Variants in TARBP1 observed in about 807,000 individuals in gnomAD.
The protein encoded by TARBP1 is tRNA guanosine 2 -O-methyltransferase TARBP1.
Under a neutral mutation model 178.6 loss-of-function variants are expected in TARBP1, and 144 were observed. That is an observed-to-expected ratio of 0.81 (90% confidence interval 0.70 to 0.93). The LOEUF is 0.93. Ranked by LOEUF, TARBP1 falls within the 40% of genes least tolerant of loss-of-function variation. The pLI is 0.00. For synonymous variants in TARBP1, 787 were observed against 781.0 expected, an observed-to-expected ratio of 1.01 and a Z score of -0.13; for missense variants, 2,067 against 2,011.7, an observed-to-expected ratio of 1.03 and a Z score of -0.53.
In TARBP1 at chr1:234,429,682, A is replaced by AATT. The variant is rs750078411; in HGVS notation, c.2610-6_2610-5insAAT. On this transcript the variant is annotated splice_region_variant and splice_polypyrimidine_tract_variant and intron_variant, in intron 15 of 29. Coordinates refer to ENST00000040877, the MANE Select transcript of TARBP1 (RefSeq NM_005646.4). ...GATGACGATTCTTCCAAAACACTGA[A>AATT]ATAAAAAATAAAGTTACTAGGCCAT... 6.3e-7 allele frequency: 1 copy of AATT among 1,586,544 alleles called. No individual in the cohort carries two copies. The highest frequency in any genetic ancestry group is 1.2e-5 in the South Asian group (1 of 86,300).
chr1:234,478,338 C>T lies in TARBP1; in HGVS notation c.766G>A (p.Gly256Ser). ...GDRARGAREAGPDARRCWRFW... is the reference protein window; with the variant it reads ...GDRARGAREASPDARRCWRFW... ...CGCCAGCAGCGCCGGGCGTCCGGGC[C>T]CGCCTCGCGCGCGCCGCGGGCGCGG... is the stretch of plus-strand genomic sequence containing the variant. Residue 256 changes from glycine to serine, a missense_variant, in exon 1 of 30, where the codon GGC becomes AGC. Physicochemically the swap from Gly to Ser is moderately conservative, Grantham distance 56 (BLOSUM62 0). Coordinates refer to ENST00000040877, the MANE Select transcript of TARBP1 (RefSeq NM_005646.4). 7.8e-7 allele frequency: 1 copy of T among 1,285,514 alleles called. No homozygotes were observed. The highest frequency in any genetic ancestry group is 4.2e-5 in the Admixed American group (1 of 24,096). 79.6% of individuals were successfully genotyped at this position (1,285,514 alleles called of 1,614,324 possible).
At chr1:234,463,812 A>T (rs570711196) in intron 6 of TARBP1, 25 bp downstream of exon 6, 109 of 1,392,794 alleles carry the variant, frequency 7.8e-5, no homozygotes, top group Middle Eastern at 5.6e-4. Context: ...AAGCATTTTT[A>T]AAAAAACCCT....
chr1:234,457,238 T>C (rs1385033021), intron 9 of TARBP1, among the ~76,000 whole-genome samples: 3 of 152,066 alleles, frequency 2.0e-5, no homozygotes, highest in Non-Finnish European at 2.9e-5. Flanking sequence ...TCATGATGAA[T>C]TGGATGCAGA....
At chr1:234,402,036 TC>T (rs1265961154) in intron 24 of TARBP1, among the ~76,000 whole-genome samples, 1 of 152,160 alleles carries the variant, frequency 6.6e-6, no homozygotes, top group Non-Finnish European at 1.5e-5. Flanking sequence ...CTTCCGCATC[TC>T]CCCTCTTCTC....
chr1:234,391,708 G>T lies in TARBP1; in HGVS notation c.4735C>A (p.Gln1579Lys), dbSNP rs754837157. Residue 1579 changes from glutamine to lysine, a missense_variant, in exon 30 of 30, where the codon CAG (glutamine) becomes AAG (lysine). Coordinates refer to ENST00000040877, the MANE Select transcript of TARBP1 (RefSeq NM_005646.4). ...GGAATTTCCACACAAACGTCCAACTGTTGGATCAGATTTGCTGGAATTCCC... is the reference window on the plus strand; with the variant it reads ...GGAATTTCCACACAAACGTCCAACTTTTGGATCAGATTTGCTGGAATTCCC... ...REGIPANLIQ[Q>K]LDVCVEIPQQ... 3.1e-6 allele frequency: 5 copies of T among 1,613,588 alleles called. No individual in the cohort carries two copies. In the South Asian group the frequency reaches 5.5e-5, roughly 18 times the overall value.
chr1:234,444,205 C>CTG (rs1665906840), intron 12 of TARBP1, among the ~76,000 whole-genome samples: 1 of 147,406 alleles, frequency 6.8e-6, no homozygotes, highest in South Asian at 2.2e-4. Context: ...AGATTACTCC[C>CTG]ACAAAAAAAG....
chr1:234,472,867 C>A, intron 1 of TARBP1, 56 bp from the exon 2 acceptor site: 1 of 1,289,368 alleles, frequency 7.8e-7, no homozygotes, highest in South Asian at 1.3e-5. Context: ...TCATAAGTTT[C>A]TCAATGACAG....
chr1:234,408,563 C>T (rs1572232267), intron 23 of TARBP1, among the ~76,000 whole-genome samples: 1 of 152,032 alleles, frequency 6.6e-6, no homozygotes, highest in Non-Finnish European at 1.5e-5. Flanking sequence ...GCTCCTATGT[C>T]GGTGCTCGAG....
chr1:234,415,501 T>G (rs140955296), intron 22 of TARBP1, among the ~76,000 whole-genome samples: 102 of 152,292 alleles, frequency 6.7e-4, no homozygotes, highest in African/African-American at 2.3e-3. Flanking sequence ...CTGAATCCCC[T>G]TCCAAGTTTA....
At chr1:234,456,308 C>T (rs1360062316) in intron 9 of TARBP1, among the ~76,000 whole-genome samples, 3 of 152,220 alleles carry the variant, frequency 2.0e-5, no homozygotes, top group Admixed American at 2.0e-4. Flanking sequence ...TCAAGCAATT[C>T]TCCTGTCTCA....
chr1:234,464,564 C>T (rs1223790072), intron 5 of TARBP1, among the ~76,000 whole-genome samples: 1 of 152,092 alleles, frequency 6.6e-6, no homozygotes, highest in Non-Finnish European at 1.5e-5. Context: ...TGTCTAATTG[C>T]TTCAGAAAAC....
At chr1:234,450,330 A>T (rs569079026) in intron 10 of TARBP1, 98 bp downstream of exon 10, 185 of 907,482 alleles carry the variant, frequency 2.0e-4, no homozygotes, top group Admixed American at 7.1e-4. Context: ...AAATCATCAT[A>T]TATTTCGTAA....
rs552848390 is a variant in TARBP1 at position 234,467,482 on chromosome 1, A to C, written c.1248+20T>G. On this transcript the variant is annotated intron_variant, in intron 4 of 29. Coordinates refer to ENST00000040877, the MANE Select transcript of TARBP1 (RefSeq NM_005646.4). The stretch of plus-strand genomic sequence containing the variant: ...CGCCTTTCAACAATGGGAGCAAGGA[A>C]GGGGACAGGGTGTCATTACCTCAGA... 6.5e-7 allele frequency: 1 copy of C among 1,540,388 alleles called. No homozygotes were observed. The highest frequency in any genetic ancestry group is 1.4e-5 in the African/African-American group (1 of 71,578).
intron 1 of TARBP1, among the ~76,000 whole-genome samples, chr1:234,477,284 C>T (rs1284133485): frequency 2.0e-5 from 3 of 152,156 alleles, no homozygotes; most frequent in African/African-American, 7.2e-5. Context: ...CCAGTGAAAA[C>T]TCTCAGGGAT....
In TARBP1 at chr1:234,400,053, CA is replaced by C. The variant is rs1553273516; in HGVS notation, c.4071+1127del. Among the ~76,000 whole-genome samples the C allele has an allele frequency of 6.2e-4, 88 of 142,150 alleles. 3 individuals carry two copies. In the South Asian group the frequency reaches 0.014, roughly 23 times the overall value. 93.3% of individuals were successfully genotyped at this position (142,150 alleles called of 152,430 possible). On this transcript the variant is annotated intron_variant, in intron 25 of 29. Coordinates refer to ENST00000040877, the MANE Select transcript of TARBP1 (RefSeq NM_005646.4). ...AAGTATAATAATAATAAAATAAAAA[CA>C]AAAAAAAAACAAATACATGAAGAGA... is the stretch of plus-strand genomic sequence containing the variant.
In TARBP1 at chr1:234,478,907, G is replaced by A. The variant is rs565946184; in HGVS notation, c.197C>T (p.Ala66Val). The A allele has an allele frequency of 7.2e-5, 102 of 1,421,040 alleles. No individual in the cohort carries two copies. The South Asian group carries it at 1.3e-3, about 18-fold the overall frequency. The allele number at this position is 1,421,040 out of a possible 1,614,324, so 88.0% of individuals were successfully genotyped here. ...CCGCAGCAGTGGCACGAGGTACCCT[G>A]CAGCCACCTCGCGCGCCGCCTCCGG... ...ALPEAAREVA[A>V]GYLVPLLRSL... Residue 66 changes from alanine (A) to valine (V), a missense_variant, in exon 1 of 30, where the codon GCA becomes GTA. Physicochemically the swap from Ala to Val is moderately conservative, Grantham distance 64 (BLOSUM62 0). Transcript: ENST00000040877.
intron 12 of TARBP1, among the ~76,000 whole-genome samples, chr1:234,444,324 A>G (rs1167264393): frequency 6.6e-6 from 1 of 152,224 alleles, no homozygotes; most frequent in Non-Finnish European, 1.5e-5. Flanking sequence ...AAGGGAAGCT[A>G]TATTGTAACT....
At chr1:234,406,927 C>T (rs544610070) in intron 23 of TARBP1, 1 of 152,258 alleles carries the variant, frequency 6.6e-6, no homozygotes, top group Non-Finnish European at 1.5e-5. Context: ...CCAGTTTCTA[C>T]TGACCAATTC....
At chr1:234,431,490 C>G (rs1459597856) in intron 14 of TARBP1, among the ~76,000 whole-genome samples, 2 of 152,150 alleles carry the variant, frequency 1.3e-5, no homozygotes, top group Admixed American at 1.3e-4. Context: ...TCATTTCCTC[C>G]TAGAATTAAA....
Sources: allele counts gnomAD v4.1 joint callset (sites outside exome capture counted in the v4.1 genomes callset), GRCh38; gene constraint gnomAD v4.1.1; transcripts MANE v1.5; gene names NCBI Gene and HGNC (gene_info 2026-07-23, HGNC 2026-07-21).